The following ARHGEF10L variants were observed in gnomAD, a reference collection of about 807,000 sequenced individuals.
ARHGEF10L encodes rho guanine nucleotide exchange factor 10-like protein.
A neutral mutation model predicts 141.2 loss-of-function variants in ARHGEF10L; 69 were observed. That is an observed-to-expected ratio of 0.49 (90% CI 0.40 to 0.60). ARHGEF10L has a LOEUF of 0.60. Among genes scored for constraint, ARHGEF10L ranks in the 20% least tolerant of loss-of-function variants. ARHGEF10L has a pLI of 0.00. For missense variants in ARHGEF10L, 1,482 were observed against 1,734.3 expected (o/e 0.85, Z 2.58); for synonymous variants, 711 against 718.5 (o/e 0.99, Z 0.17).
At position 17,689,598 on chromosome 1, in the gene ARHGEF10L, CCCTCCCTCCCTCCTT is replaced by C. The variant is rs1244177334; in HGVS notation, c.3184+1874_3184+1888del. On this transcript the variant is annotated intron_variant, in intron 27 of 28. Transcript: ENST00000361221. ...TCCTTCCCTCCCTCCCTCTCTTCTT[CCCTCCCTCCCTCCTT>C]CCTCCCTCCCTCCTTCCTCCCTTTC... is the stretch of plus-strand genomic sequence containing the variant. 18 of 108,346 alleles carry C rather than the reference CCCTCCCTCCCTCCTT, an allele frequency of 1.7e-4. 2 individuals are homozygous for C. The highest frequency in any genetic ancestry group is 3.3e-4 in the East Asian group (1 of 3,006). 6.7% of individuals were successfully genotyped at this position (108,346 alleles called of 1,614,324 possible).
the ARHGEF10L span, among the ~76,000 whole-genome samples, chr1:17,526,396 A>G: frequency 6.6e-6 from 1 of 152,198 alleles, no homozygotes; most frequent in Non-Finnish European, 1.5e-5. Context: ...TTATTAGTGG[A>G]AAAATTTGGA....
chr1:17,609,951 C>G (rs1003248889), intron 7 of ARHGEF10L, among the ~76,000 whole-genome samples: 1 of 152,220 alleles, frequency 6.6e-6, no homozygotes, highest in Non-Finnish European at 1.5e-5. Context: ...CAGCCCTGCT[C>G]TGGGCAGTGT....
At position 17,602,159 on chromosome 1, in the gene ARHGEF10L, C is replaced by T. The variant is rs140059332; in HGVS notation, c.290C>T (p.Ala97Val). 28 of 1,581,854 alleles carry T rather than the reference C, an allele frequency of 1.8e-5. No individual in the cohort carries two copies. Among genetic ancestry groups the T allele is most frequent in the South Asian group, 2.3e-5 (2 of 86,428 alleles). ...GCCTGGGTGAGCAATGGGGATGCAG[C>T]GGACGCAGCCTTCTCCGGGGCCCGG... ...VPAWVSNGDA[A>V]DAAFSGARHS... The change falls in exon 5 of 29, where the codon GCG (alanine) becomes GTG (valine). Residue 97 changes from alanine (A) to valine (V), a missense_variant. Physicochemically the swap from Ala to Val is moderately conservative, Grantham distance 64. This residue lies in a region of ARHGEF10L where 232 missense variants were observed against 225.9 expected (regional missense o/e 1.03). Transcript: ENST00000361221.
upstream of ARHGEF10L, among the ~76,000 whole-genome samples, chr1:17,536,739 G>C (rs1051644111): frequency 6.6e-6 from 1 of 152,180 alleles, no homozygotes; most frequent in Non-Finnish European, 1.5e-5. Context: ...TGCGAGTGAC[G>C]TTGACAAGTG....
chr1:17,662,357 G>A (rs1318904914), intron 25 of ARHGEF10L, among the ~76,000 whole-genome samples: 1 of 152,184 alleles, frequency 6.6e-6, no homozygotes, highest in African/African-American at 2.4e-5. Context: ...TCCGGAGAAG[G>A]GCAGGCGTGG....
At chr1:17,538,736 A>G (rs1307893629), upstream of ARHGEF10L, among the ~76,000 whole-genome samples, 1 of 151,846 alleles carries the variant, frequency 6.6e-6, no homozygotes, top group African/African-American at 2.4e-5. Flanking sequence ...TGTGGGCTGT[A>G]AGGAACACAA....
Position 17,687,697 on chromosome 1 carries a change from A to G in ARHGEF10L, c.3134A>G (p.Glu1045Gly). Reference protein sequence around the residue: ...SIRLFHTETLEHLQEINIATR... With the variant: ...SIRLFHTETLGHLQEINIATR... ...CGCCTCTTCCACACTGAGACCCTGG[A>G]GCATCTGCAAGAGATCAACATCGCC... The change falls in exon 27 of 29, where the codon GAG (glutamate) becomes GGG (glycine). Residue 1045 changes from glutamate to glycine, a missense_variant. By Grantham distance (98) the Glu-to-Gly change is moderately conservative. Around this residue, in one of 3 missense-constraint regions of ARHGEF10L, gnomAD observed 858 missense variants for 966.3 expected, o/e 0.89. Coordinates refer to ENST00000361221, the MANE Select transcript of ARHGEF10L (RefSeq NM_018125.4). 1.2e-6 allele frequency: 2 copies of G among 1,604,868 alleles called. No homozygotes were observed. Among genetic ancestry groups the G allele is most frequent in the Non-Finnish European group, 1.7e-6 (2 of 1,174,962 alleles).
chr1:17,634,508 GTAA>G, intron 16 of ARHGEF10L, 37 bp from the exon 17 acceptor site: 1 of 1,614,138 alleles, frequency 6.2e-7, no homozygotes, highest in Non-Finnish European at 8.5e-7. Flanking sequence ...CCACTCCATT[GTAA>G]TAACAATCTC....
intron 18 of ARHGEF10L, among the ~76,000 whole-genome samples, chr1:17,636,160 C>T (rs957176583): frequency 1.8e-4 from 28 of 152,168 alleles, no homozygotes; most frequent in Non-Finnish European, 3.1e-4. Context: ...GCTGGTCATG[C>T]GGTCTAGCAT....
intron 1 of ARHGEF10L, among the ~76,000 whole-genome samples, chr1:17,568,298 C>A (rs1557717615): frequency 6.6e-6 from 1 of 152,216 alleles, no homozygotes; most frequent in Non-Finnish European, 1.5e-5. Flanking sequence ...ATTATTATCT[C>A]ATTTAATCAT....
At position 17,644,895 on chromosome 1, in the gene ARHGEF10L, A is replaced by T. The variant is rs2061505987; in HGVS notation, c.2273-3659A>T. 6.6e-6 allele frequency among the ~76,000 whole-genome samples: 1 copy of T among 152,074 alleles called. No homozygotes were observed. The highest frequency in any genetic ancestry group is 6.6e-5 in the Admixed American group (1 of 15,250). On this transcript the variant is annotated intron_variant, in intron 21 of 28. Coordinates refer to ENST00000361221, the MANE Select transcript of ARHGEF10L (RefSeq NM_018125.4). The surrounding 1 kb of genome is among the most constrained non-coding windows in gnomAD (Gnocchi z 4.5). ...TGATTTCCAGTGCTCACAACTCCAG[A>T]TGGTTGGCGTTCCTTCCCCCATTTT...
At chr1:17,574,902 T>G (rs951365826) in intron 1 of ARHGEF10L, among the ~76,000 whole-genome samples, 1 of 152,164 alleles carries the variant, frequency 6.6e-6, no homozygotes, top group Non-Finnish European at 1.5e-5. Context: ...GCCCCGGGCT[T>G]TCAGGACAGG....
the ARHGEF10L span, among the ~76,000 whole-genome samples, chr1:17,532,134 C>T: frequency 6.6e-6 from 1 of 152,178 alleles, no homozygotes; most frequent in Non-Finnish European, 1.5e-5. Context: ...TGGAGGCTCG[C>T]TGTGTCCCCT....
chr1:17,545,024 T>C (rs2076868085), intron 1 of ARHGEF10L, among the ~76,000 whole-genome samples: 1 of 152,072 alleles, frequency 6.6e-6, no homozygotes, highest in Non-Finnish European at 1.5e-5. Flanking sequence ...TCCCATGACA[T>C]GCAGGGATTA....
At chr1:17,598,591 G>C (rs1296806988) in intron 4 of ARHGEF10L, among the ~76,000 whole-genome samples, 1 of 152,176 alleles carries the variant, frequency 6.6e-6, no homozygotes, top group Non-Finnish European at 1.5e-5. Context: ...AACCATGGGG[G>C]CTCTGCTCTT....
intron 23 of ARHGEF10L, among the ~76,000 whole-genome samples, chr1:17,655,409 C>T (rs2062167179): frequency 6.6e-6 from 1 of 151,836 alleles, no homozygotes; most frequent in Non-Finnish European, 1.5e-5. Context: ...TTCACCGATA[C>T]ATCCTTCCAT....
At chr1:17,589,918 G>T (rs183720364) in intron 4 of ARHGEF10L, among the ~76,000 whole-genome samples, 163 of 152,134 alleles carry the variant, frequency 1.1e-3, no homozygotes, top group African/African-American at 3.8e-3. Context: ...AGACTTCTGG[G>T]CCAGGTCCTG....
chr1:17,662,796 C>T (rs2062711076), intron 25 of ARHGEF10L, among the ~76,000 whole-genome samples: 1 of 152,162 alleles, frequency 6.6e-6, no homozygotes, highest in African/African-American at 2.4e-5. Context: ...TTGGAGACAG[C>T]TGTGCCCCAT....
intron 4 of ARHGEF10L, among the ~76,000 whole-genome samples, chr1:17,589,206 T>C (rs2079324005): frequency 6.6e-6 from 1 of 152,058 alleles, no homozygotes; most frequent in African/African-American, 2.4e-5. Context: ...CCCAGCCTCG[T>C]GGTAGGTGCC....
Sources: gnomAD v4.1 joint callset for allele counts (sites outside exome capture counted in the v4.1 genomes callset) on GRCh38, gnomAD v4.1.1 for gene constraint, gnomAD v4.1.1 regional missense constraint, Gnocchi (gnomAD v3.1) non-coding constraint, MANE v1.5 for transcripts, NCBI Gene and HGNC (gene_info 2026-07-23, HGNC 2026-07-21) for gene names.